SERPINI2: variants seen among roughly 807,000 people sequenced by gnomAD.
SERPINI2 encodes serpin I2.
SERPINI2 carries 48 observed loss-of-function variants against 47.3 expected under a neutral mutation model. The observed-to-expected ratio is 1.02, with a 90% CI of 0.81 to 1.29. SERPINI2 has a LOEUF of 1.29. Ranked by LOEUF, SERPINI2 falls within the 50% of genes most tolerant of loss-of-function variation. The pLI, the probability that SERPINI2 is intolerant of heterozygous loss-of-function variation, is 0.00. For synonymous variants in SERPINI2, 135 were observed against 149.3 expected (o/e 0.90, Z 0.70); for missense variants, 448 against 456.9 (o/e 0.98, Z 0.18).
At chr3:167,442,329 C>T in intron 8 of SERPINI2, 144 bp from the exon 9 acceptor site, 1 of 501,952 alleles carries the variant, frequency 2.0e-6, no homozygotes, top group Non-Finnish European at 3.4e-6. Flanking sequence ...GCAAAGCCTT[C>T]TCCTTTGTCT....
At chr3:167,461,016 GA>G (rs750002446) in intron 5 of SERPINI2, among the ~76,000 whole-genome samples, 14 of 152,276 alleles carry the variant, frequency 9.2e-5, no homozygotes, top group Admixed American at 4.6e-4. Context: ...GCTATGATGT[GA>G]ATTTTCCTGA....
At chr3:167,471,038 T>G (rs1750301627) in intron 2 of SERPINI2, among the ~76,000 whole-genome samples, 1 of 152,160 alleles carries the variant, frequency 6.6e-6, no homozygotes, top group Admixed American at 6.6e-5. Flanking sequence ...ATGAACAAAT[T>G]AATGTTTTTT....
intron 5 of SERPINI2, 129 bp downstream of exon 5, chr3:167,465,077 T>G (rs1202522263): frequency 1.2e-6 from 1 of 817,374 alleles, no homozygotes; most frequent in Non-Finnish European, 1.9e-6. Context: ...AGAGTAAAAT[T>G]TCCAAATACA....
Position 167,452,973 on chromosome 3 carries a change from CTCGG to C in SERPINI2, c.923_926del (p.Thr308ArgfsTer12). 1 of 1,607,326 alleles carries C rather than the reference CTCGG, an allele frequency of 6.2e-7. No individual in the cohort carries two copies. On this transcript the variant is annotated frameshift_variant, in exon 6 of 9. Transcript: ENST00000264677. LOFTEE classifies it high-confidence loss of function. The stretch of plus-strand genomic sequence containing the variant: ...AAAGGTCGCAGCCACCACTAAATAT[CTCGG>C]TTATGTTCAAAGAATACAAAACGTC...
chr3:167,474,956 G>T (rs1416529864), upstream of SERPINI2, among the ~76,000 whole-genome samples: 1 of 151,700 alleles, frequency 6.6e-6, no homozygotes, highest in Non-Finnish European at 1.5e-5. Context: ...AAGAAATAAA[G>T]TGAATATAGA....
chr3:167,474,875 A>C (rs1004239553), upstream of SERPINI2, among the ~76,000 whole-genome samples: 1 of 151,752 alleles, frequency 6.6e-6, no homozygotes, highest in East Asian at 1.9e-4. Flanking sequence ...AGAGAAAAAA[A>C]ATTTAGTTCA....
intron 5 of SERPINI2, 92 bp downstream of exon 5, chr3:167,465,114 C>G: frequency 8.9e-7 from 1 of 1,126,064 alleles, no homozygotes; most frequent in Non-Finnish European, 1.3e-6. Flanking sequence ...TGTCAATAGA[C>G]TTTTCAAGTA....
chr3:167,464,133 C>G (rs1489430544), intron 5 of SERPINI2, among the ~76,000 whole-genome samples: 1 of 151,442 alleles, frequency 6.6e-6, no homozygotes, highest in East Asian at 2.0e-4. Flanking sequence ...CTTGCCTCAG[C>G]CTCCCAAGTA....
intron 5 of SERPINI2, among the ~76,000 whole-genome samples, chr3:167,456,837 T>A (rs1454970084): frequency 1.3e-5 from 2 of 152,198 alleles, no homozygotes; most frequent in African/African-American, 2.4e-5. Context: ...ACTGTTAGAA[T>A]TAAATGAGTA....
chr3:167,448,454 G>T (rs1483987742), intron 7 of SERPINI2, among the ~76,000 whole-genome samples: 2 of 152,204 alleles, frequency 1.3e-5, no homozygotes, highest in African/African-American at 4.8e-5. Flanking sequence ...TTGGAGTCTG[G>T]ATTTCACTTC....
chr3:167,473,276 G>A (rs1423021166), intron 1 of SERPINI2, among the ~76,000 whole-genome samples: 1 of 151,636 alleles, frequency 6.6e-6, no homozygotes, highest in Non-Finnish European at 1.5e-5. Context: ...TTAATATCAA[G>A]CAAATGTTTC....
At chr3:167,471,727 C>CTCTTGATAAAGA in exon 2 of SERPINI2, 1 of 1,613,518 alleles carries the variant, frequency 6.2e-7, no homozygotes, top group Non-Finnish European at 8.5e-7. Flanking sequence ...ATAAGGAAAC[C>CTCTTGATAAAGA]TCTTGATAAA....
At chr3:167,457,868 C>A (rs1190505149) in intron 5 of SERPINI2, among the ~76,000 whole-genome samples, 1 of 152,100 alleles carries the variant, frequency 6.6e-6, no homozygotes, top group Non-Finnish European at 1.5e-5. Context: ...TTCTAAAACC[C>A]AAACTTAATT....
At chr3:167,459,624 A>T (rs1449201675) in intron 5 of SERPINI2, among the ~76,000 whole-genome samples, 1 of 151,936 alleles carries the variant, frequency 6.6e-6, no homozygotes, top group East Asian at 1.9e-4. Context: ...TATAATCTAA[A>T]TAGTCACTCA....
At chr3:167,458,886 T>G (rs1328287159) in intron 5 of SERPINI2, among the ~76,000 whole-genome samples, 1 of 152,208 alleles carries the variant, frequency 6.6e-6, no homozygotes, top group East Asian at 1.9e-4. Flanking sequence ...CATTTGCTAT[T>G]AAAATATAAA....
At chr3:167,459,965 A>G (rs1560233894) in intron 5 of SERPINI2, among the ~76,000 whole-genome samples, 2 of 152,166 alleles carry the variant, frequency 1.3e-5, no homozygotes, top group Non-Finnish European at 2.9e-5. Context: ...TTTATCTATA[A>G]GGAGAGGAAG....
At chr3:167,463,136 ATT>A (rs772778570) in intron 5 of SERPINI2, among the ~76,000 whole-genome samples, 1 of 146,652 alleles carries the variant, frequency 6.8e-6, no homozygotes, top group Non-Finnish European at 1.5e-5. Context: ...AAACTCAGTA[ATT>A]TTTTTTTTTT....
At chr3:167,462,908 T>C (rs1415691162) in intron 5 of SERPINI2, among the ~76,000 whole-genome samples, 6 of 152,198 alleles carry the variant, frequency 3.9e-5, no homozygotes, top group Non-Finnish European at 8.8e-5. Flanking sequence ...TGTGAAACAT[T>C]CCTCTAAGGA....
At chr3:167,451,964 G>A (rs1394254700) in intron 6 of SERPINI2, among the ~76,000 whole-genome samples, 2 of 152,134 alleles carry the variant, frequency 1.3e-5, no homozygotes, top group African/African-American at 2.4e-5. Flanking sequence ...CTGTCAGTGT[G>A]AGAACGAGTA....
Sources: allele counts gnomAD v4.1 joint callset (sites outside exome capture counted in the v4.1 genomes callset), GRCh38; gene constraint gnomAD v4.1.1; transcripts MANE v1.5; gene names NCBI Gene and HGNC (gene_info 2026-07-23, HGNC 2026-07-21).